Variants in PRELID2 observed in about 807,000 individuals in gnomAD.
PRELID2 encodes the protein PRELI domain containing 2, also known as PRELI domain-containing protein 2.
In PRELID2, 25 loss-of-function variants were observed where a neutral mutation model predicts 28.4. That is an observed-to-expected ratio of 0.88 (90% CI 0.64 to 1.23). The LOEUF is 1.23. PRELID2 is among the 50% of genes most tolerant of loss of function. The pLI, the probability that PRELID2 is intolerant of heterozygous loss-of-function variation, is 0.00. For synonymous variants in PRELID2, 76 were observed against 71.6 expected, an observed-to-expected ratio of 1.06 and a Z score of -0.31; for missense variants, 201 against 214.4, an observed-to-expected ratio of 0.94 and a Z score of 0.39.
chr5:145,321,730 C>T, the PRELID2 span, among the ~76,000 whole-genome samples: 1 of 152,176 alleles, frequency 6.6e-6, no homozygotes. Context: ...TATAATTTGC[C>T]AAGCTTTTGT....
the PRELID2 span, among the ~76,000 whole-genome samples, chr5:145,233,489 G>A: frequency 2.6e-5 from 4 of 152,096 alleles, no homozygotes; most frequent in African/African-American, 9.7e-5. Flanking sequence ...ACTTGGAGAA[G>A]GCAGTCACCA....
chr5:145,513,352 C>G (rs1404663676), intron 1 of PRELID2, among the ~76,000 whole-genome samples: 2 of 151,496 alleles, frequency 1.3e-5, no homozygotes, highest in African/African-American at 4.9e-5. Context: ...ACACAAGTAT[C>G]AATAGCCGAA....
intron 1 of PRELID2, among the ~76,000 whole-genome samples, chr5:145,480,669 G>A (rs1219428177): frequency 2.6e-4 from 39 of 152,052 alleles, no homozygotes; most frequent in Non-Finnish European, 5.9e-5. Context: ...TTGACCAAGT[G>A]CCAGAACCAA....
the PRELID2 span, among the ~76,000 whole-genome samples, chr5:145,341,901 G>T: frequency 6.6e-6 from 1 of 152,070 alleles, no homozygotes; most frequent in Non-Finnish European, 1.5e-5. Context: ...CATACAGGTG[G>T]CTCAGCAATC....
chr5:145,833,058 G>A (rs776433340), intron 1 of PRELID2, among the ~76,000 whole-genome samples: 4 of 152,054 alleles, frequency 2.6e-5, no homozygotes, highest in Admixed American at 1.3e-4. Context: ...CAGGGTCTGC[G>A]GTGACCTCCC....
chr5:145,809,991 C>T (rs1043456501), intron 4 of PRELID2, among the ~76,000 whole-genome samples: 1 of 152,096 alleles, frequency 6.6e-6, no homozygotes, highest in Non-Finnish European at 1.5e-5. Flanking sequence ...AAATAAGAAC[C>T]AGAAACTCAC....
intron 1 of PRELID2, among the ~76,000 whole-genome samples, chr5:145,704,455 C>G (rs1448485796): frequency 6.6e-6 from 1 of 152,182 alleles, no homozygotes; most frequent in East Asian, 1.9e-4. Flanking sequence ...GTCTGGTGTA[C>G]TCAAAACACA....
rs979300763 is a variant in PRELID2, at chr5:145,759,560, A to G, written c.*976T>C. On this transcript the variant is annotated 3_prime_UTR_variant, in exon 7 of 7. Coordinates refer to ENST00000683046, the MANE Select transcript of PRELID2 (RefSeq NM_205846.3). Reference sequence around the variant, plus strand: ...TACTTCATAGGCATGATCTCAAATCAGTCCAACAATCTCACAAAATTAATT... The same window carrying G: ...TACTTCATAGGCATGATCTCAAATCGGTCCAACAATCTCACAAAATTAATT... 4 of 152,246 alleles carry G rather than the reference A, an allele frequency of 2.6e-5. No individual in the cohort carries two copies. Among genetic ancestry groups the G allele is most frequent in the African/African-American group, 9.6e-5 (4 of 41,476 alleles). The allele number at this position is 152,246 out of a possible 1,614,324, so 9.4% of individuals were successfully genotyped here. A position where few individuals can be genotyped will look rare whatever the true frequency, so the allele number is the denominator to read the frequency against.
At chr5:145,519,523 C>A (rs1752545785) in intron 1 of PRELID2, among the ~76,000 whole-genome samples, 1 of 152,136 alleles carries the variant, frequency 6.6e-6, no homozygotes, top group Non-Finnish European at 1.5e-5. Context: ...TTCTGATTAT[C>A]CACTTGAAAA....
chr5:145,402,413 C>T, the PRELID2 span, among the ~76,000 whole-genome samples: 2 of 152,138 alleles, frequency 1.3e-5, no homozygotes, highest in Non-Finnish European at 2.9e-5. Context: ...ATATATGAAA[C>T]ATGTGCCCTT....
At chr5:145,574,031 A>G (rs1270289858) in intron 1 of PRELID2, among the ~76,000 whole-genome samples, 1 of 152,218 alleles carries the variant, frequency 6.6e-6, no homozygotes, top group Non-Finnish European at 1.5e-5. Context: ...AATTAATGTT[A>G]TTAATCAGCT....
chr5:145,613,787 G>A (rs1000420088), intron 1 of PRELID2, among the ~76,000 whole-genome samples: 4 of 151,998 alleles, frequency 2.6e-5, no homozygotes, highest in African/African-American at 9.7e-5. Context: ...CATTTACTCT[G>A]CTGTTTCTTT....
intron 1 of PRELID2, among the ~76,000 whole-genome samples, chr5:145,650,990 G>C (rs1410655932): frequency 1.3e-5 from 2 of 152,188 alleles, no homozygotes; most frequent in African/African-American, 4.8e-5. Context: ...CAAAGGGTCA[G>C]GGAATTCGCT....
intron 1 of PRELID2, among the ~76,000 whole-genome samples, chr5:145,538,609 G>C (rs986162673): frequency 1.3e-5 from 2 of 151,906 alleles, no homozygotes; most frequent in African/African-American, 4.8e-5. Context: ...GTATCAGAAG[G>C]TGTCTAGCTG....
chr5:145,618,521 C>G (rs980592959), intron 1 of PRELID2, among the ~76,000 whole-genome samples: 1 of 152,190 alleles, frequency 6.6e-6, no homozygotes, highest in Non-Finnish European at 1.5e-5. Context: ...GCACAGAGTC[C>G]TGTGATATGA....
chr5:145,766,248 A>T (rs1002197115), intron 5 of PRELID2, among the ~76,000 whole-genome samples: 3 of 152,146 alleles, frequency 2.0e-5, no homozygotes, highest in Admixed American at 2.0e-4. Context: ...AAGAATAATG[A>T]TAAGGGGAAC....
chr5:145,487,294 A>C (rs1752226987), intron 1 of PRELID2, among the ~76,000 whole-genome samples: 1 of 152,098 alleles, frequency 6.6e-6, no homozygotes, highest in Admixed American at 6.6e-5. Flanking sequence ...TTCAGGCCAC[A>C]GTCCCCAAAC....
At chr5:145,688,975 G>T (rs1242508719) in intron 1 of PRELID2, among the ~76,000 whole-genome samples, 1 of 152,204 alleles carries the variant, frequency 6.6e-6, no homozygotes, top group Non-Finnish European at 1.5e-5. Context: ...GTAAAGAATT[G>T]TTAGCAAGGT....
the PRELID2 span, among the ~76,000 whole-genome samples, chr5:145,257,739 A>G: frequency 1.3e-5 from 2 of 152,220 alleles, no homozygotes; most frequent in East Asian, 3.8e-4. Flanking sequence ...AGAGACAAAG[A>G]AAGGGCATTT....
Sources: gnomAD v4.1 joint callset for allele counts (sites outside exome capture counted in the v4.1 genomes callset) on GRCh38, gnomAD v4.1.1 for gene constraint, MANE v1.5 for transcripts, NCBI Gene and HGNC (gene_info 2026-07-23, HGNC 2026-07-21) for gene names.